Variants in TAFA2 observed in about 807,000 individuals in gnomAD.
TAFA2 encodes the protein TAFA chemokine like family member 2.
A neutral mutation model predicts 18.8 loss-of-function variants in TAFA2; 7 were observed. That is an observed-to-expected ratio of 0.37 (90% CI 0.21 to 0.70). The LOEUF (loss-of-function observed/expected upper bound fraction) is 0.70, where lower values mean the gene tolerates loss of function less well. TAFA2 is among the 30% of genes least tolerant of loss of function. The pLI is 0.53. For synonymous variants in TAFA2, 60 were observed against 54.2 expected (o/e 1.11, Z -0.47); for missense variants, 122 against 158.1 (o/e 0.77, Z 1.23).
intron 1 of TAFA2, among the ~76,000 whole-genome samples, chr12:62,081,641 C>T (rs535242812): frequency 9.9e-4 from 150 of 152,160 alleles, no homozygotes; most frequent in African/African-American, 3.3e-3. Context: ...CCCGCCACCA[C>T]ACCTGGCTAA....
intron 4 of TAFA2, among the ~76,000 whole-genome samples, chr12:61,724,786 T>TATACACCAGATGG (rs1565751009): frequency 2.3e-5 from 2 of 86,228 alleles, no homozygotes; most frequent in African/African-American, 1.1e-4. Flanking sequence ...TGTGTGTGTG[T>TATACACCAGATGG]GTGTGTGTGT....
chr12:62,254,380 T>C (rs1277290309), intron 1 of TAFA2, among the ~76,000 whole-genome samples: 4 of 152,094 alleles, frequency 2.6e-5, no homozygotes, highest in Admixed American at 1.3e-4. Flanking sequence ...AGTATCGGAG[T>C]AGGGCATACA....
chr12:61,797,222 G>A (rs757041530), intron 2 of TAFA2, among the ~76,000 whole-genome samples: 10 of 152,072 alleles, frequency 6.6e-5, no homozygotes, highest in Admixed American at 1.3e-4. Flanking sequence ...CTAATGAATA[G>A]TTTACCACAG....
In TAFA2 at chr12:61,710,287, C is replaced by A; in HGVS notation, c.*119G>T. The A allele has an allele frequency of 1.1e-6, 1 of 878,922 alleles. No individual in the cohort carries two copies. 54.4% of individuals were successfully genotyped at this position (878,922 alleles called of 1,614,324 possible). ...GGCCATGAAATCCCTTGGAAATAGA[C>A]TATTGAGCGCCTCTTTCAAGTGGTA... On this transcript the variant is annotated 3_prime_UTR_variant, in exon 5 of 5. Transcript: ENST00000416284.
chr12:62,094,302 A>C (rs1868848888), intron 1 of TAFA2, among the ~76,000 whole-genome samples: 1 of 152,042 alleles, frequency 6.6e-6, no homozygotes, highest in Non-Finnish European at 1.5e-5. Flanking sequence ...AAGGCCTAAG[A>C]ATGATATAAT....
rs866789532 is a variant in TAFA2, at chr12:62,228,818, T to A, written c.-130+29945A>T. Among the ~76,000 whole-genome samples the A allele has an allele frequency of 3.9e-5, 6 of 152,306 alleles. 1 individual carries two copies. In the South Asian group the frequency reaches 1.2e-3, roughly 32 times the overall value. On this transcript the variant is annotated intron_variant, in intron 1 of 5. Transcript: ENST00000551619. ...TAGAAAAATTTGGGTAGCATTGACA[T>A]TTTAATGATATTAACTCTTCTAATT...
chr12:62,158,984 G>GT (rs1337879520), intron 1 of TAFA2, among the ~76,000 whole-genome samples: 3 of 152,180 alleles, frequency 2.0e-5, no homozygotes, highest in Non-Finnish European at 4.4e-5. Context: ...GGAAAAAGTT[G>GT]TAACTTTACA....
chr12:61,737,310 A>G (rs1368484038), intron 4 of TAFA2, among the ~76,000 whole-genome samples: 5 of 151,976 alleles, frequency 3.3e-5, no homozygotes, highest in Admixed American at 6.6e-5. Context: ...AAATTGAAAC[A>G]TGAAAATTGC....
intron 1 of TAFA2, among the ~76,000 whole-genome samples, chr12:62,085,309 G>A (rs1023133256): frequency 4.6e-5 from 7 of 152,066 alleles, no homozygotes; most frequent in Non-Finnish European, 8.8e-5. Flanking sequence ...TGTTTTCAAT[G>A]TTATATTTGT....
At chr12:61,753,252 TA>T (rs1477100491) in intron 4 of TAFA2, among the ~76,000 whole-genome samples, 1 of 152,034 alleles carries the variant, frequency 6.6e-6, no homozygotes, top group African/African-American at 2.4e-5. Context: ...ATATATAAAA[TA>T]ATGTTTTCAG....
intron 1 of TAFA2, among the ~76,000 whole-genome samples, chr12:61,955,957 A>G (rs1878682337): frequency 6.6e-6 from 1 of 152,008 alleles, no homozygotes; most frequent in Non-Finnish European, 1.5e-5. Context: ...GTATGTACAA[A>G]TTTTAAAATT....
At chr12:62,228,338 G>C (rs2062797045) in intron 1 of TAFA2, among the ~76,000 whole-genome samples, 1 of 152,094 alleles carries the variant, frequency 6.6e-6, no homozygotes, top group Admixed American at 6.5e-5. Context: ...ATAGTGCTGT[G>C]ATAAATATAT....
At chr12:61,801,318 T>C (rs1206818516) in intron 2 of TAFA2, among the ~76,000 whole-genome samples, 1 of 151,920 alleles carries the variant, frequency 6.6e-6, no homozygotes, top group African/African-American at 2.4e-5. Flanking sequence ...TCCAAAGCAA[T>C]CCTGAGCAAA....
intron 1 of TAFA2, among the ~76,000 whole-genome samples, chr12:62,245,810 T>G (rs992577619): frequency 1.3e-5 from 2 of 149,010 alleles, no homozygotes; most frequent in Non-Finnish European, 3.0e-5. Context: ...GGTTTTTTGA[T>G]TCTTATTTTG....
intron 1 of TAFA2, among the ~76,000 whole-genome samples, chr12:62,136,348 C>T (rs1870895153): frequency 6.6e-6 from 1 of 152,064 alleles, no homozygotes; most frequent in African/African-American, 2.4e-5. Flanking sequence ...AATCATACAA[C>T]ATGTGGCAGT....
At chr12:62,174,904 G>T (rs2062501905) in intron 1 of TAFA2, among the ~76,000 whole-genome samples, 1 of 152,070 alleles carries the variant, frequency 6.6e-6, no homozygotes, top group Non-Finnish European at 1.5e-5. Flanking sequence ...TTGTGTATAT[G>T]TCAATACATA....
chr12:62,065,897 T>C (rs1882473188), intron 1 of TAFA2, among the ~76,000 whole-genome samples: 2 of 151,968 alleles, frequency 1.3e-5, no homozygotes. Context: ...TCCAGAGCCA[T>C]ACCACTTTAT....
In TAFA2 at chr12:61,929,696, A is replaced by G. The variant is rs534726601; in HGVS notation, c.-1-62270T>C. On this transcript the variant is annotated intron_variant, in intron 1 of 4. Coordinates refer to ENST00000416284, the MANE Select transcript of TAFA2 (RefSeq NM_178539.5). ...TTATAAATCATGCTGCTATAAAGAC[A>G]CATGCACATGTATGTTTATTGCGGC... Among the ~76,000 whole-genome samples, 126 of 152,080 alleles carry G rather than the reference A, an allele frequency of 8.3e-4. 1 individual carries two copies. The highest frequency in any genetic ancestry group is 5.7e-4 in the Non-Finnish European group (39 of 67,998).
intron 1 of TAFA2, among the ~76,000 whole-genome samples, chr12:62,217,986 T>G (rs775613470): frequency 0.013 from 1,901 of 150,578 alleles, 36 homozygotes; most frequent in East Asian, 0.017. Context: ...ATTTATTTAT[T>G]TATTTATTTA....
Sources: allele counts gnomAD v4.1 joint callset (sites outside exome capture counted in the v4.1 genomes callset), GRCh38; gene constraint gnomAD v4.1.1; transcripts MANE v1.5; gene names NCBI Gene and HGNC (gene_info 2026-07-23, HGNC 2026-07-21).